The following CXADR variants were observed in gnomAD, a reference collection of about 807,000 sequenced individuals.
CXADR encodes CXADR cell adhesion molecule.
A neutral mutation model predicts 40.3 loss-of-function variants in CXADR; 20 were observed. That is an observed-to-expected ratio of 0.50 (90% CI 0.35 to 0.72). The LOEUF (loss-of-function observed/expected upper bound fraction) is 0.72, where lower values mean the gene tolerates loss of function less well. Among genes scored for constraint, CXADR ranks in the 30% least tolerant of loss-of-function variants. The pLI, the probability that CXADR is intolerant of heterozygous loss-of-function variation, is 0.01. For synonymous variants in CXADR, 150 were observed against 161.3 expected, an observed-to-expected ratio of 0.93 and a Z score of 0.53; for missense variants, 332 against 449.1, an observed-to-expected ratio of 0.74 and a Z score of 2.36.
intron 3 of CXADR, among the ~76,000 whole-genome samples, chr21:17,557,483 C>T (rs945687509): frequency 2.6e-5 from 4 of 152,194 alleles, no homozygotes; most frequent in African/African-American, 9.6e-5. Flanking sequence ...TCCGTGGTTC[C>T]TCGTAATGCC....
At chr21:17,517,701 A>G (rs1032136402) in intron 1 of CXADR, among the ~76,000 whole-genome samples, 1 of 152,158 alleles carries the variant, frequency 6.6e-6, no homozygotes, top group African/African-American at 2.4e-5. Flanking sequence ...GTTGTTCCTC[A>G]AGATGAGGGA....
At chr21:17,550,616 G>T (rs901924214) in intron 2 of CXADR, among the ~76,000 whole-genome samples, 4 of 152,072 alleles carry the variant, frequency 2.6e-5, no homozygotes, top group Admixed American at 2.6e-4. Context: ...TTGGCCCATG[G>T]GTCTCGTATA....
At chr21:17,619,941 A>C in the CXADR span, among the ~76,000 whole-genome samples, 1 of 151,786 alleles carries the variant, frequency 6.6e-6, no homozygotes, top group Non-Finnish European at 1.5e-5. Context: ...AATTGAAGAG[A>C]GTTAGGGGCT....
the CXADR span, chr21:17,608,688 G>T: frequency 3.1e-6 from 1 of 318,554 alleles, no homozygotes; most frequent in East Asian, 5.0e-5. Flanking sequence ...CTAAGTATTT[G>T]TGATAAACAG....
intron 1 of CXADR, among the ~76,000 whole-genome samples, chr21:17,538,692 T>C (rs1166471681): frequency 6.6e-6 from 1 of 152,096 alleles, no homozygotes; most frequent in African/African-American, 2.4e-5. Flanking sequence ...GGCACATACC[T>C]GTAGTCCCAG....
At chr21:17,565,378 G>C (rs200761298) in intron 6 of CXADR, 50 bp from the exon 7 acceptor site, 1 of 1,581,516 alleles carries the variant, frequency 6.3e-7, no homozygotes, top group Non-Finnish European at 8.6e-7. Flanking sequence ...ATAATTGTAG[G>C]TTTTTAGAAA....
chr21:17,603,488 A>C, the CXADR span, among the ~76,000 whole-genome samples: 15 of 152,186 alleles, frequency 9.9e-5, no homozygotes, highest in Non-Finnish European at 1.9e-4. Context: ...ATGGAAGAAT[A>C]ATCATGTAAT....
chr21:17,526,446 A>G (rs905281995), intron 1 of CXADR, among the ~76,000 whole-genome samples: 55 of 152,212 alleles, frequency 3.6e-4, no homozygotes, highest in African/African-American at 1.2e-3. Flanking sequence ...GTTAAAGCCA[A>G]TCACATCTTG....
At chr21:17,586,932 C>T (rs2061401220) in intron 7 of CXADR, among the ~76,000 whole-genome samples, 1 of 152,120 alleles carries the variant, frequency 6.6e-6, no homozygotes. Flanking sequence ...TGTTCCCCTT[C>T]CTGTGTCCAT....
intron 7 of CXADR, among the ~76,000 whole-genome samples, chr21:17,580,085 G>A (rs1294039461): frequency 2.0e-5 from 3 of 152,148 alleles, no homozygotes; most frequent in Non-Finnish European, 2.9e-5. Context: ...GCCTCCCAAA[G>A]TGCTGGGATT....
At chr21:17,545,072 G>GTT (rs869189508) in intron 1 of CXADR, among the ~76,000 whole-genome samples, 4,258 of 55,236 alleles carry the variant, frequency 0.077, 252 homozygotes, top group Middle Eastern at 0.11. Flanking sequence ...GCTCTAATGT[G>GTT]TTTTTTTTTT....
chr21:17,610,221 T>G, the CXADR span, among the ~76,000 whole-genome samples: 1 of 152,160 alleles, frequency 6.6e-6, no homozygotes, highest in African/African-American at 2.4e-5. Context: ...CTTTTTGAGG[T>G]GATAAAAATA....
intron 3 of CXADR, among the ~76,000 whole-genome samples, chr21:17,552,169 A>C (rs554746951): frequency 1.3e-5 from 2 of 152,248 alleles, no homozygotes; most frequent in Non-Finnish European, 2.9e-5. Flanking sequence ...TGTGAAATTC[A>C]TAAGAGTTTG....
At chr21:17,612,231 G>A in the CXADR span, 1 of 152,230 alleles carries the variant, frequency 6.6e-6, no homozygotes, top group African/African-American at 2.4e-5. Context: ...CAACATCCTC[G>A]CCAGGGTGCG....
At chr21:17,618,217 A>G in the CXADR span, among the ~76,000 whole-genome samples, 1 of 152,146 alleles carries the variant, frequency 6.6e-6, no homozygotes, top group Non-Finnish European at 1.5e-5. Context: ...TTCAAATTTT[A>G]TCATTAAATT....
intron 1 of CXADR, among the ~76,000 whole-genome samples, chr21:17,537,038 A>G (rs773853919): frequency 1.3e-4 from 20 of 152,178 alleles, no homozygotes; most frequent in Non-Finnish European, 1.6e-4. Context: ...GATTACAGGC[A>G]TGAGCCACCA....
At chr21:17,581,380 T>G (rs528494671) in intron 7 of CXADR, among the ~76,000 whole-genome samples, 12 of 152,332 alleles carry the variant, frequency 7.9e-5, no homozygotes, top group African/African-American at 2.6e-4. Flanking sequence ...ATCCTAAGTG[T>G]TGTGGCAGCT....
chr21:17,610,196 A>G, the CXADR span, among the ~76,000 whole-genome samples: 27 of 152,222 alleles, frequency 1.8e-4, no homozygotes, highest in African/African-American at 6.3e-4. Context: ...AGCATTGCTA[A>G]TAAGTACAGG....
At chr21:17,609,067 T>C in the CXADR span, 1 of 1,614,150 alleles carries the variant, frequency 6.2e-7, no homozygotes. Flanking sequence ...ACCTCTCAAC[T>C]GCCTCTTTTT....
Sources: allele counts gnomAD v4.1 joint callset (sites outside exome capture counted in the v4.1 genomes callset), GRCh38; gene constraint gnomAD v4.1.1; transcripts MANE v1.5; gene names NCBI Gene and HGNC (gene_info 2026-07-23, HGNC 2026-07-21).